The following RAP1B variants were observed in gnomAD, a reference collection of about 807,000 sequenced individuals.
RAP1B encodes ras-related protein Rap-1b.
Under a neutral mutation model 27.5 loss-of-function variants are expected in RAP1B, and 1 was observed. That is an observed-to-expected ratio of 0.04 (90% CI 0.01 to 0.17). The LOEUF is 0.17. Among genes scored for constraint, RAP1B ranks in the 10% least tolerant of loss-of-function variants. The pLI is 1.00. For synonymous variants in RAP1B, 75 were observed against 73.1 expected (o/e 1.03, Z -0.13); for missense variants, 84 against 214.8 (o/e 0.39, Z 3.81).
chr12:68,637,168 C>T (rs186894867), intron 1 of RAP1B, among the ~76,000 whole-genome samples: 1 of 152,144 alleles, frequency 6.6e-6, no homozygotes, highest in East Asian at 1.9e-4. Context: ...TAGTGGGTAC[C>T]AAAATAAGTA....
At chr12:68,615,249 T>A (rs1310887579) in intron 1 of RAP1B, among the ~76,000 whole-genome samples, 1 of 152,142 alleles carries the variant, frequency 6.6e-6, no homozygotes, top group African/African-American at 2.4e-5. Flanking sequence ...AGGGTCAAAA[T>A]TTTTAAAACT....
Position 68,666,662 on chromosome 12 carries a change from T to G in RAP1B, c.*7413T>G, listed in dbSNP as rs1874868112. 1 of 152,240 alleles carries G rather than the reference T, an allele frequency of 6.6e-6. No homozygotes were observed. The highest frequency in any genetic ancestry group is 2.1e-4 in the South Asian group (1 of 4,832). The allele number at this position is 152,240 out of a possible 1,614,324, so 9.4% of individuals were successfully genotyped here. A position where few individuals can be genotyped will look rare whatever the true frequency, so the allele number is the denominator to read the frequency against. ...TGCTTAATCACATCTGCAAAGACAC[T>G]TTTTTCAAATAAAGTTAACAGACAG... On this transcript the variant is annotated 3_prime_UTR_variant, in exon 8 of 8. Transcript: ENST00000250559.
rs1875094505 is a variant in RAP1B, at chr12:68,671,556, G to C, written c.*12307G>C. The C allele has an allele frequency of 6.6e-6, 1 of 152,166 alleles. No homozygotes were observed. Among genetic ancestry groups the C allele is most frequent in the Non-Finnish European group, 1.5e-5 (1 of 68,020 alleles). 9.4% of individuals were successfully genotyped at this position (152,166 alleles called of 1,614,324 possible). A position where few individuals can be genotyped will look rare whatever the true frequency, so the allele number is the denominator to read the frequency against. On this transcript the variant is annotated 3_prime_UTR_variant, in exon 8 of 8. Coordinates refer to ENST00000250559, the MANE Select transcript of RAP1B (RefSeq NM_001010942.3). The stretch of plus-strand genomic sequence containing the variant: ...AGTGAACAAAACAGAATACCGAGAA[G>C]GATGTATGTGAGGGATGCATGTGGG...
intron 1 of RAP1B, among the ~76,000 whole-genome samples, chr12:68,622,929 T>A (rs1395800767): frequency 1.3e-5 from 2 of 152,222 alleles, no homozygotes; most frequent in Non-Finnish European, 2.9e-5. Context: ...CTGGAACTAC[T>A]GGGCTCAAGG....
chr12:68,637,489 C>G (rs914118758), intron 1 of RAP1B, among the ~76,000 whole-genome samples: 1 of 147,980 alleles, frequency 6.8e-6, no homozygotes, highest in Non-Finnish European at 1.5e-5. Flanking sequence ...CCCAGCTGCT[C>G]GGGAGGCTGA....
At chr12:68,647,146 AGGTTCAAGC>A (rs1413499942) in intron 1 of RAP1B, among the ~76,000 whole-genome samples, 2 of 152,046 alleles carry the variant, frequency 1.3e-5, no homozygotes, top group Non-Finnish European at 2.9e-5. Flanking sequence ...TCCACCTCCC[AGGTTCAAGC>A]GATTCTCATG....
At chr12:68,642,756 C>CG in intron 1 of RAP1B, 1 of 1,070,988 alleles carries the variant, frequency 9.3e-7, no homozygotes, top group Non-Finnish European at 1.5e-6. Flanking sequence ...TCCTCTGGCA[C>CG]GGGAACCTTC....
At chr12:68,612,625 AT>A (rs1187879412) in intron 1 of RAP1B, among the ~76,000 whole-genome samples, 1 of 152,252 alleles carries the variant, frequency 6.6e-6, no homozygotes, top group Admixed American at 6.5e-5. Context: ...TTCTTCCCAT[AT>A]CGCACTTTTA....
chr12:68,616,729 C>G (rs907072079), intron 1 of RAP1B, among the ~76,000 whole-genome samples: 2 of 151,842 alleles, frequency 1.3e-5, no homozygotes, highest in African/African-American at 4.8e-5. Flanking sequence ...CCACCGCGCC[C>G]GGCCAGGTTT....
intron 1 of RAP1B, among the ~76,000 whole-genome samples, chr12:68,611,935 T>C (rs181093045): frequency 1.4e-4 from 21 of 152,314 alleles, no homozygotes; most frequent in Middle Eastern, 3.4e-3. Flanking sequence ...TGATGTCTTT[T>C]GGAGAAAAGA....
intron 1 of RAP1B, among the ~76,000 whole-genome samples, chr12:68,646,579 C>T (rs551162377): frequency 3.3e-5 from 5 of 152,290 alleles, no homozygotes; most frequent in African/African-American, 1.2e-4. Context: ...TGGGCCACTG[C>T]GCCCGGCCCA....
intron 7 of RAP1B, among the ~76,000 whole-genome samples, chr12:68,658,843 A>G (rs929689334): frequency 6.6e-5 from 10 of 152,248 alleles, no homozygotes; most frequent in African/African-American, 2.4e-4. Context: ...TTAGATGTGC[A>G]TTCTATACTT....
At chr12:68,633,419 A>C (rs1275637183) in intron 1 of RAP1B, among the ~76,000 whole-genome samples, 2 of 152,212 alleles carry the variant, frequency 1.3e-5, no homozygotes, top group South Asian at 4.1e-4. Flanking sequence ...CACAGCAAGC[A>C]CTTTATTCTG....
In RAP1B at chr12:68,665,584, T is replaced by C. The variant is rs1874811588; in HGVS notation, c.*6335T>C. The C allele has an allele frequency of 4.6e-5, 7 of 152,214 alleles. No homozygotes were observed. The highest frequency in any genetic ancestry group is 4.6e-4 in the Admixed American group (7 of 15,278). The allele number at this position is 152,214 out of a possible 1,614,324, so 9.4% of individuals were successfully genotyped here. A position where few individuals can be genotyped will look rare whatever the true frequency, so the allele number is the denominator to read the frequency against. ...CAAATAGCTGAGCAGCAATTGAGAA[T>C]ACAGCATCTTTTATGGCAAAGAGCA... On this transcript the variant is annotated 3_prime_UTR_variant, in exon 8 of 8. Transcript: ENST00000250559.
chr12:68,619,997 T>C (rs1871281496), intron 1 of RAP1B, among the ~76,000 whole-genome samples: 5 of 152,242 alleles, frequency 3.3e-5, no homozygotes, highest in Middle Eastern at 3.4e-3. Context: ...TTTTTAGTAG[T>C]TGACTTTCTC....
At position 68,661,286 on chromosome 12, in the gene RAP1B, A is replaced by C. The variant is rs1380531064; in HGVS notation, c.*2037A>C. On this transcript the variant is annotated 3_prime_UTR_variant, in exon 8 of 8. Transcript: ENST00000250559. The stretch of plus-strand genomic sequence containing the variant: ...AAAACTGGGACTGTGAAACACTAAA[A>C]TTACTTCAATTTACTATGTCCTGTT... The C allele has an allele frequency of 6.6e-6, 1 of 152,160 alleles. No individual in the cohort carries two copies. Among genetic ancestry groups the C allele is most frequent in the Non-Finnish European group, 1.5e-5 (1 of 68,030 alleles). 9.4% of individuals were successfully genotyped at this position (152,160 alleles called of 1,614,324 possible).
chr12:68,640,074 C>G (rs966266428), intron 1 of RAP1B, among the ~76,000 whole-genome samples: 2 of 151,866 alleles, frequency 1.3e-5, no homozygotes, highest in Admixed American at 1.3e-4. Context: ...CTCCTGACCT[C>G]GTGATCCACC....
At chr12:68,631,273 G>A (rs1872219402) in intron 1 of RAP1B, among the ~76,000 whole-genome samples, 1 of 151,986 alleles carries the variant, frequency 6.6e-6, no homozygotes, top group South Asian at 2.1e-4. Flanking sequence ...TCACTTTCTT[G>A]CAGTTTCTTC....
At chr12:68,647,367 T>TCCCC in intron 1 of RAP1B, among the ~76,000 whole-genome samples, 1 of 59,022 alleles carries the variant, frequency 1.7e-5, no homozygotes, top group African/African-American at 6.9e-5. Flanking sequence ...GCCCTGTCCC[T>TCCCC]GCCCCCCACT....
Sources: allele counts gnomAD v4.1 joint callset (sites outside exome capture counted in the v4.1 genomes callset), GRCh38; gene constraint gnomAD v4.1.1; transcripts MANE v1.5; gene names NCBI Gene and HGNC (gene_info 2026-07-23, HGNC 2026-07-21).